MRPL19: variants seen among roughly 807,000 people sequenced by gnomAD.
MRPL19 encodes large ribosomal subunit protein bL19m.
MRPL19 carries 31 observed loss-of-function variants against 34.0 expected under a neutral mutation model. The ratio of observed to expected loss-of-function variants is 0.91; its 90% CI spans 0.68 to 1.23. The LOEUF (loss-of-function observed/expected upper bound fraction) is 1.23. MRPL19 is among the 50% of genes most tolerant of loss of function. The probability of loss-of-function intolerance (pLI) is 0.00; values close to 1 mark genes in which losing one functional copy is unlikely to be tolerated. For synonymous variants in MRPL19, 152 were observed against 127.7 expected (o/e 1.19, Z -1.28); for missense variants, 384 against 367.6 (o/e 1.04, Z -0.37).
chr2:75,653,094 T>C (rs1461186935), intron 4 of MRPL19, among the ~76,000 whole-genome samples: 1 of 152,210 alleles, frequency 6.6e-6, no homozygotes, highest in African/African-American at 2.4e-5. Flanking sequence ...CACTGTCTTA[T>C]ATGACTTGGG....
rs747296069 is a variant in MRPL19 at position 75,652,533 on chromosome 2, T to G, written c.351T>G (p.Leu117=). 1 of 1,611,090 alleles carries G rather than the reference T, an allele frequency of 6.2e-7. No homozygotes were observed. Among genetic ancestry groups the G allele is most frequent in the Non-Finnish European group, 8.5e-7 (1 of 1,179,132 alleles). The change falls in exon 4 of 6, where the codon CTT becomes CTG. Residue 117 remains leucine (L), a synonymous_variant. Transcript: ENST00000393909. ...HIPEFYVGSI[L]RVTTADPYAS... is the part of the protein sequence containing the mutation. The stretch of plus-strand genomic sequence containing the variant: ...CTTTTGAATTTGTAGGAAGTATTCT[T>G]CGTGTTACTACAGCTGACCCATATG...
rs1246573611 is a variant in MRPL19 at position 75,659,552 on chromosome 2, C to T, written c.*4267C>T. ...ATTCCCTTATGCATTTCTTGCAGGGCAAGTCTAATTGTAATAAACTCCCTC... is the reference window on the plus strand; with the variant it reads ...ATTCCCTTATGCATTTCTTGCAGGGTAAGTCTAATTGTAATAAACTCCCTC... On this transcript the variant is annotated 3_prime_UTR_variant, in exon 6 of 6. Coordinates refer to ENST00000393909, the MANE Select transcript of MRPL19 (RefSeq NM_014763.4). Among the ~76,000 whole-genome samples the T allele has an allele frequency of 6.6e-6, 1 of 152,136 alleles. No homozygotes were observed. Among genetic ancestry groups the T allele is most frequent in the Non-Finnish European group, 1.5e-5 (1 of 68,002 alleles).
Position 75,650,287 on chromosome 2 carries a change from AAAAG to A in MRPL19, c.222-1852_222-1849del, listed in dbSNP as rs1011612158. Among the ~76,000 whole-genome samples, 25 of 152,312 alleles carry A rather than the reference AAAAG, an allele frequency of 1.6e-4. No homozygotes were observed. The East Asian group carries it at 3.3e-3, about 20-fold the overall frequency. The stretch of plus-strand genomic sequence containing the variant: ...AGCTTAAAATCAGTTAAAGAAGAAA[AAAAG>A]AAGATTATTATTTTTTAAGCAAAAG... On this transcript the variant is annotated intron_variant, in intron 2 of 5. Coordinates refer to ENST00000393909, the MANE Select transcript of MRPL19 (RefSeq NM_014763.4).
In MRPL19 at chr2:75,658,292, C is replaced by A. The variant is rs1678510132; in HGVS notation, c.*3007C>A. Among the ~76,000 whole-genome samples the A allele has an allele frequency of 6.6e-6, 1 of 152,094 alleles. No homozygotes were observed. On this transcript the variant is annotated 3_prime_UTR_variant, in exon 6 of 6. Coordinates refer to ENST00000393909, the MANE Select transcript of MRPL19 (RefSeq NM_014763.4). Reference sequence around the variant, plus strand: ...CCCATGCTGGTCTTGAGTTCCTGGCCTCAAGCAGTCCTTAAGATTCATCCA... The same window carrying A: ...CCCATGCTGGTCTTGAGTTCCTGGCATCAAGCAGTCCTTAAGATTCATCCA...
Position 75,655,640 on chromosome 2 carries a change from G to C in MRPL19, c.*355G>C, listed in dbSNP as rs1483650681. ...ATTCATAAGCACAATATGATTTACA[G>C]AATAATAAACATTCATGTACCCACT... is the stretch of plus-strand genomic sequence containing the variant. On this transcript the variant is annotated 3_prime_UTR_variant, in exon 6 of 6. Transcript: ENST00000393909. 1 of 167,188 alleles carries C rather than the reference G, an allele frequency of 6.0e-6. No individual in the cohort carries two copies. The highest frequency in any genetic ancestry group is 2.4e-5 in the African/African-American group (1 of 41,758). The allele number at this position is 167,188 out of a possible 1,614,324, so 10.4% of individuals were successfully genotyped here. A position where few individuals can be genotyped will look rare whatever the true frequency, so the allele number is the denominator to read the frequency against.
chr2:75,654,733 T>G lies in MRPL19; in HGVS notation c.476-3T>G, dbSNP rs773842466. 6 of 1,613,280 alleles carry G rather than the reference T, an allele frequency of 3.7e-6. No individual in the cohort carries two copies. Among genetic ancestry groups the G allele is most frequent in the Non-Finnish European group, 4.2e-6 (5 of 1,179,498 alleles). ...GTAAGAATATGTTTTCTGTTCTATT[T>G]AGGTGTCGAGATTTGCTTTGAACTT... On this transcript the variant is annotated splice_region_variant and splice_polypyrimidine_tract_variant and intron_variant, in intron 4 of 5. Transcript: ENST00000393909.
chr2:75,651,502 C>T (rs867227420), intron 2 of MRPL19: 8 of 510,908 alleles, frequency 1.6e-5, no homozygotes, highest in Middle Eastern at 1.1e-3. Flanking sequence ...AGTTACTCTT[C>T]GTCTGTAGAT....
chr2:75,651,040 G>C (rs1486421833), intron 2 of MRPL19, among the ~76,000 whole-genome samples: 1 of 152,156 alleles, frequency 6.6e-6, no homozygotes, highest in East Asian at 1.9e-4. Flanking sequence ...AGCTCTTACT[G>C]TGCCTAAGAG....
At chr2:75,654,085 T>C (rs151052287) in intron 4 of MRPL19, among the ~76,000 whole-genome samples, 1 of 152,272 alleles carries the variant, frequency 6.6e-6, no homozygotes, top group East Asian at 1.9e-4. Context: ...AGAACAGAAA[T>C]TTATTTCTCA....
In MRPL19 at chr2:75,647,232, C is replaced by T. The variant is rs751808358; in HGVS notation, c.221+13C>T. 1.3e-6 allele frequency: 2 copies of T among 1,569,540 alleles called. No individual in the cohort carries two copies. The highest frequency in any genetic ancestry group is 1.7e-6 in the Non-Finnish European group (2 of 1,157,050). ...AACCGGAACGCAGGTGAGGCACTGC[C>T]CTGGCGCTAGGCCGGCAACTGGGGT... On this transcript the variant is annotated intron_variant, in intron 2 of 5. Coordinates refer to ENST00000393909, the MANE Select transcript of MRPL19 (RefSeq NM_014763.4).
intron 2 of MRPL19, among the ~76,000 whole-genome samples, chr2:75,648,683 C>T (rs928073393): frequency 2.0e-5 from 3 of 151,422 alleles, no homozygotes; most frequent in Non-Finnish European, 4.4e-5. Flanking sequence ...CATGGCGAAA[C>T]CCCCATTTCT....
In MRPL19 at chr2:75,656,160, T is replaced by C. The variant is rs1347892659; in HGVS notation, c.*875T>C. 1 of 152,226 alleles carries C rather than the reference T, an allele frequency of 6.6e-6. No individual in the cohort carries two copies. The allele number at this position is 152,226 out of a possible 1,614,324, so 9.4% of individuals were successfully genotyped here. On this transcript the variant is annotated 3_prime_UTR_variant, in exon 6 of 6. Coordinates refer to ENST00000393909, the MANE Select transcript of MRPL19 (RefSeq NM_014763.4). ...CTGTTTTTTGATGCTCACAGCATGATGAATCAAACTCTGTATCTTAGGATT... is the reference window on the plus strand; with the variant it reads ...CTGTTTTTTGATGCTCACAGCATGACGAATCAAACTCTGTATCTTAGGATT...
Position 75,660,714 on chromosome 2 carries a change from G to A in MRPL19, c.*5429G>A, listed in dbSNP as rs1374532257. The A allele has an allele frequency of 6.6e-6, 1 of 152,150 alleles. No homozygotes were observed. Among genetic ancestry groups the A allele is most frequent in the East Asian group, 1.9e-4 (1 of 5,192 alleles). 9.4% of individuals were successfully genotyped at this position (152,150 alleles called of 1,614,324 possible). A position where few individuals can be genotyped will look rare whatever the true frequency, so the allele number is the denominator to read the frequency against. The stretch of plus-strand genomic sequence containing the variant: ...CCAGTCTTTCCAGTCTTTGTAGATT[G>A]GTTCTGTGCTGGGCTTTTCCATTAA... On this transcript the variant is annotated 3_prime_UTR_variant, in exon 6 of 6. Transcript: ENST00000393909.
chr2:75,659,555 G>C lies in MRPL19; in HGVS notation c.*4270G>C, dbSNP rs191209811. Among the ~76,000 whole-genome samples, 1 of 152,242 alleles carries C rather than the reference G, an allele frequency of 6.6e-6. No homozygotes were observed. The highest frequency in any genetic ancestry group is 2.4e-5 in the African/African-American group (1 of 41,572). ...CCCTTATGCATTTCTTGCAGGGCAAGTCTAATTGTAATAAACTCCCTCAGC... is the reference window on the plus strand; with the variant it reads ...CCCTTATGCATTTCTTGCAGGGCAACTCTAATTGTAATAAACTCCCTCAGC... On this transcript the variant is annotated 3_prime_UTR_variant, in exon 6 of 6. Coordinates refer to ENST00000393909, the MANE Select transcript of MRPL19 (RefSeq NM_014763.4).
intron 1 of MRPL19, 87 bp downstream of exon 1, chr2:75,646,997 C>T (rs919300184): frequency 6.7e-7 from 1 of 1,482,712 alleles, no homozygotes; most frequent in African/African-American, 1.4e-5. Flanking sequence ...AGAGGCAACC[C>T]CAGCGTTGGT....
In MRPL19 at chr2:75,659,236, T is replaced by G. The variant is rs1678542808; in HGVS notation, c.*3951T>G. Among the ~76,000 whole-genome samples the G allele has an allele frequency of 6.6e-6, 1 of 152,098 alleles. No individual in the cohort carries two copies. The highest frequency in any genetic ancestry group is 1.5e-5 in the Non-Finnish European group (1 of 67,986). On this transcript the variant is annotated 3_prime_UTR_variant, in exon 6 of 6. Coordinates refer to ENST00000393909, the MANE Select transcript of MRPL19 (RefSeq NM_014763.4). ...ACATCCTACACTTAAAACAATCTAA[T>G]TTAAACTGATACCAATTTACCTTCA... is the stretch of plus-strand genomic sequence containing the variant.
Position 75,658,320 on chromosome 2 carries a change from T to C in MRPL19, c.*3035T>C, listed in dbSNP as rs1490209066. Among the ~76,000 whole-genome samples, 3 of 152,184 alleles carry C rather than the reference T, an allele frequency of 2.0e-5. No homozygotes were observed. Among genetic ancestry groups the C allele is most frequent in the Admixed American group, 2.0e-4 (3 of 15,258 alleles). ...AAGCAGTCCTTAAGATTCATCCATG[T>C]TGTGGCATGTGTCAGAATTTCATTT... On this transcript the variant is annotated 3_prime_UTR_variant, in exon 6 of 6. Coordinates refer to ENST00000393909, the MANE Select transcript of MRPL19 (RefSeq NM_014763.4).
Position 75,658,270 on chromosome 2 carries a change from A to G in MRPL19, c.*2985A>G, listed in dbSNP as rs1678509685. On this transcript the variant is annotated 3_prime_UTR_variant, in exon 6 of 6. Transcript: ENST00000393909. Reference sequence around the variant, plus strand: ...GAGATGTGGTCTTGCTATGTTTCCCATGCTGGTCTTGAGTTCCTGGCCTCA... The same window carrying G: ...GAGATGTGGTCTTGCTATGTTTCCCGTGCTGGTCTTGAGTTCCTGGCCTCA... Among the ~76,000 whole-genome samples the G allele has an allele frequency of 6.6e-6, 1 of 152,080 alleles. No homozygotes were observed. The highest frequency in any genetic ancestry group is 6.6e-5 in the Admixed American group (1 of 15,248).
At chr2:75,651,945 C>A (rs574788936) in intron 2 of MRPL19, 197 bp from the exon 3 acceptor site, 2 of 397,450 alleles carry the variant, frequency 5.0e-6, no homozygotes, top group East Asian at 9.0e-5. Context: ...AAGCTTTTAA[C>A]AAAATACCAG....
Sources: gnomAD v4.1 joint callset for allele counts (sites outside exome capture counted in the v4.1 genomes callset) on GRCh38, gnomAD v4.1.1 for gene constraint, MANE v1.5 for transcripts, NCBI Gene and HGNC (gene_info 2026-07-23, HGNC 2026-07-21) for gene names.